PTBP3: variants seen among roughly 807,000 people sequenced by gnomAD.
PTBP3 encodes polypyrimidine tract-binding protein 3.
Under a neutral mutation model 58.7 loss-of-function variants are expected in PTBP3, and 20 were observed. That is an observed-to-expected ratio of 0.34 (90% CI 0.24 to 0.50). The LOEUF is 0.50. PTBP3 is among the 20% of genes least tolerant of loss of function. The pLI is 0.98. For synonymous variants in PTBP3, 185 were observed against 219.8 expected (o/e 0.84, Z 1.40); for missense variants, 509 against 637.2 (o/e 0.80, Z 2.17).
At chr9:112,248,623 AT>A (rs1017557945) in intron 7 of PTBP3, among the ~76,000 whole-genome samples, 1 of 152,020 alleles carries the variant, frequency 6.6e-6, no homozygotes, top group Admixed American at 6.6e-5. Context: ...CTAAAATAAA[AT>A]TTTTTTTAAC....
At chr9:112,345,924 G>A in the PTBP3 span, among the ~76,000 whole-genome samples, 6 of 150,814 alleles carry the variant, frequency 4.0e-5, no homozygotes, top group African/African-American at 7.3e-5. Context: ...GCATGATCTC[G>A]GCTCACTGTA....
At chr9:112,327,782 G>T (rs1830217320) in intron 1 of PTBP3, among the ~76,000 whole-genome samples, 1 of 141,598 alleles carries the variant, frequency 7.1e-6, no homozygotes, top group African/African-American at 2.8e-5. Context: ...TCTCACCATA[G>T]TATATGACTA....
chr9:112,243,143 A>AC (rs1455537298), intron 7 of PTBP3, among the ~76,000 whole-genome samples: 6 of 151,924 alleles, frequency 3.9e-5, no homozygotes, highest in African/African-American at 1.2e-4. Context: ...AAAAAAAAAA[A>AC]AAAACAGTTT....
intron 9 of PTBP3, among the ~76,000 whole-genome samples, chr9:112,231,669 T>G (rs909841582): frequency 5.0e-4 from 76 of 151,892 alleles, no homozygotes; most frequent in African/African-American, 1.7e-3. Context: ...TTTGGGAGGC[T>G]GAGGTGTGTG....
At chr9:112,248,613 C>T (rs1187043510) in intron 7 of PTBP3, among the ~76,000 whole-genome samples, 1 of 152,106 alleles carries the variant, frequency 6.6e-6, no homozygotes, top group African/African-American at 2.4e-5. Flanking sequence ...TTACCACACA[C>T]TAAAATAAAA....
chr9:112,264,666 C>G (rs1836726941), intron 4 of PTBP3, among the ~76,000 whole-genome samples: 1 of 152,092 alleles, frequency 6.6e-6, no homozygotes, highest in Admixed American at 6.5e-5. Flanking sequence ...TGATGTAGGA[C>G]TTTGAATTTT....
chr9:112,351,943 T>A, the PTBP3 span, among the ~76,000 whole-genome samples: 9 of 148,490 alleles, frequency 6.1e-5, no homozygotes, highest in Non-Finnish European at 9.1e-5. Context: ...CTCAAGGAAC[T>A]CTAGTTCCTT....
At chr9:112,267,323 G>A (rs569572700) in intron 4 of PTBP3, among the ~76,000 whole-genome samples, 3 of 152,120 alleles carry the variant, frequency 2.0e-5, no homozygotes, top group African/African-American at 7.2e-5. Flanking sequence ...CCGCCACCAC[G>A]CCCGGCTAAT....
In PTBP3 at chr9:112,222,793, T is replaced by C; in HGVS notation, c.*1058A>G. 1 of 917,914 alleles carries C rather than the reference T, an allele frequency of 1.1e-6. No individual in the cohort carries two copies. The allele number at this position is 917,914 out of a possible 1,614,324, so 56.9% of individuals were successfully genotyped here. On this transcript the variant is annotated 3_prime_UTR_variant, in exon 14 of 14. Transcript: ENST00000374257. ...AACCTATTGTATCTTAAGCACATAA[T>C]AAGGCACATAATAAGAAATTAAGTA... is the stretch of plus-strand genomic sequence containing the variant.
At chr9:112,298,788 G>A (rs1682270307) in intron 1 of PTBP3, among the ~76,000 whole-genome samples, 1 of 152,146 alleles carries the variant, frequency 6.6e-6, no homozygotes, top group African/African-American at 2.4e-5. Context: ...AGCCTTTGCT[G>A]AAGAAAGACA....
intron 1 of PTBP3, among the ~76,000 whole-genome samples, chr9:112,325,640 G>A (rs963873293): frequency 6.8e-6 from 1 of 147,674 alleles, no homozygotes; most frequent in Non-Finnish European, 1.5e-5. Flanking sequence ...CAAGAACAAA[G>A]ATGAATCTCA....
At chr9:112,344,333 G>T in the PTBP3 span, among the ~76,000 whole-genome samples, 2 of 152,024 alleles carry the variant, frequency 1.3e-5, no homozygotes, top group Non-Finnish European at 2.9e-5. Flanking sequence ...GGTCATTAGG[G>T]GGAATTAATG....
chr9:112,367,728 A>G, the PTBP3 span, among the ~76,000 whole-genome samples: 1 of 151,828 alleles, frequency 6.6e-6, no homozygotes, highest in Admixed American at 6.6e-5. Flanking sequence ...AATTCTTTCT[A>G]TCTTTGACTT....
intron 10 of PTBP3, 39 bp downstream of exon 10, chr9:112,231,341 C>T (rs150580091): frequency 2.0e-5 from 30 of 1,508,748 alleles, no homozygotes; most frequent in Admixed American, 3.9e-5. Flanking sequence ...GCTCAATTCA[C>T]ACCTGTAGAC....
At chr9:112,257,083 A>C (rs1296039007) in intron 5 of PTBP3, among the ~76,000 whole-genome samples, 1 of 152,188 alleles carries the variant, frequency 6.6e-6, no homozygotes, top group Non-Finnish European at 1.5e-5. Context: ...TTTCTCATTT[A>C]ACTTCAACAA....
intron 8 of PTBP3, 137 bp from the exon 9 acceptor site, chr9:112,232,375 C>A (rs1288804024): frequency 2.3e-6 from 2 of 866,388 alleles, no homozygotes; most frequent in Non-Finnish European, 3.5e-6. Context: ...ATACTGAAGG[C>A]CAGTTTTCTG....
the PTBP3 span, among the ~76,000 whole-genome samples, chr9:112,354,062 T>C: frequency 1.3e-5 from 2 of 152,310 alleles, no homozygotes; most frequent in Admixed American, 6.5e-5. Context: ...ATAGGAACCA[T>C]ACATTTTATT....
At chr9:112,349,030 C>T in the PTBP3 span, among the ~76,000 whole-genome samples, 2 of 152,034 alleles carry the variant, frequency 1.3e-5, no homozygotes, top group Non-Finnish European at 2.9e-5. Flanking sequence ...TTCCTAAAAC[C>T]CTGGGAATTT....
intron 1 of PTBP3, among the ~76,000 whole-genome samples, chr9:112,317,277 T>C (rs1203266691): frequency 7.0e-6 from 1 of 142,250 alleles, no homozygotes; most frequent in Non-Finnish European, 1.5e-5. Context: ...AAAAAATTAG[T>C]GAGGCACAAT....
Sources: gnomAD v4.1 joint callset for allele counts (sites outside exome capture counted in the v4.1 genomes callset) on GRCh38, gnomAD v4.1.1 for gene constraint, MANE v1.5 for transcripts, NCBI Gene and HGNC (gene_info 2026-07-23, HGNC 2026-07-21) for gene names.